Variants in GALNTL6 observed in about 807,000 individuals in gnomAD.
The protein encoded by GALNTL6 is polypeptide N-acetylgalactosaminyltransferase-like 6.
In GALNTL6, 46 loss-of-function variants were observed where a neutral mutation model predicts 73.7. The ratio of observed to expected loss-of-function variants is 0.62; its 90% CI spans 0.49 to 0.80. GALNTL6 has a LOEUF of 0.80. GALNTL6 is among the 30% of genes least tolerant of loss of function. The probability of loss-of-function intolerance (pLI) is 0.00; values close to 1 mark genes in which losing one functional copy is unlikely to be tolerated. For missense variants in GALNTL6, 604 were observed against 755.0 expected, an observed-to-expected ratio of 0.80 and a Z score of 2.34; for synonymous variants, 259 against 263.7, an observed-to-expected ratio of 0.98 and a Z score of 0.17.
chr4:172,365,690 C>A (rs1435453374), intron 5 of GALNTL6, among the ~76,000 whole-genome samples: 1 of 149,824 alleles, frequency 6.7e-6, no homozygotes. Flanking sequence ...ATCTCCAAAC[C>A]TAATGTGGGA....
At chr4:172,254,909 T>C (rs1044558709) in intron 3 of GALNTL6, among the ~76,000 whole-genome samples, 1 of 151,692 alleles carries the variant, frequency 6.6e-6, no homozygotes, top group African/African-American at 2.4e-5. Flanking sequence ...TATGTGTTTG[T>C]TTTCTTGATC....
At chr4:172,838,613 T>C (rs1308746458) in intron 7 of GALNTL6, among the ~76,000 whole-genome samples, 1 of 152,082 alleles carries the variant, frequency 6.6e-6, no homozygotes, top group Non-Finnish European at 1.5e-5. Context: ...TAAAATACAA[T>C]GTTTAAAGGC....
At chr4:172,514,568 A>G (rs987310297) in intron 5 of GALNTL6, among the ~76,000 whole-genome samples, 15 of 152,212 alleles carry the variant, frequency 9.9e-5, no homozygotes, top group Admixed American at 3.3e-4. Context: ...TTCTGTGCTC[A>G]TATCTGCACT....
intron 2 of GALNTL6, among the ~76,000 whole-genome samples, chr4:172,020,976 C>T (rs1398260478): frequency 2.0e-5 from 3 of 152,024 alleles, no homozygotes; most frequent in South Asian, 2.1e-4. Flanking sequence ...GAATTTATCC[C>T]GGGGATGCAA....
intron 4 of GALNTL6, among the ~76,000 whole-genome samples, chr4:172,343,724 A>G (rs1741648242): frequency 6.6e-6 from 1 of 152,072 alleles, no homozygotes; most frequent in Non-Finnish European, 1.5e-5. Context: ...ATATGAGAAA[A>G]TTTGCCATTG....
intron 12 of GALNTL6, among the ~76,000 whole-genome samples, chr4:173,022,110 A>G (rs796623282): frequency 0.019 from 1,645 of 85,076 alleles, 28 homozygotes; most frequent in African/African-American, 0.054. Context: ...AAGGAAGGAA[A>G]GAAGGAAGGA....
chr4:172,316,780 T>C (rs1030687635), intron 4 of GALNTL6, among the ~76,000 whole-genome samples: 2 of 152,216 alleles, frequency 1.3e-5, no homozygotes, highest in African/African-American at 4.8e-5. Flanking sequence ...CCAAGTATTA[T>C]ACTCAAGACT....
At chr4:172,160,319 C>A (rs763612284) in intron 2 of GALNTL6, among the ~76,000 whole-genome samples, 7 of 151,148 alleles carry the variant, frequency 4.6e-5, no homozygotes, top group Non-Finnish European at 1.0e-4. Flanking sequence ...AAGAAAATTG[C>A]TGAAAAGTCA....
Position 172,216,768 on chromosome 4 carries a change from C to T in GALNTL6, c.139-12888C>T, listed in dbSNP as rs542187543. Among the ~76,000 whole-genome samples the T allele has an allele frequency of 5.3e-5, 8 of 152,186 alleles. 1 individual carries two copies. The South Asian group carries it at 1.7e-3, about 32-fold the overall frequency. On this transcript the variant is annotated intron_variant, in intron 2 of 12. Transcript: ENST00000506823. ...TGAGTGACCATGGCCTGTGACACAG[C>T]CCTCAGGAGGTCCCGAGAACATGTG... is the stretch of plus-strand genomic sequence containing the variant.
intron 5 of GALNTL6, among the ~76,000 whole-genome samples, chr4:172,797,403 C>A (rs1740335101): frequency 6.6e-6 from 1 of 152,086 alleles, no homozygotes; most frequent in African/African-American, 2.4e-5. Context: ...CGCCGCTACG[C>A]CCGGCTAATT....
intron 5 of GALNTL6, among the ~76,000 whole-genome samples, chr4:172,392,970 A>G (rs1426914682): frequency 1.3e-5 from 2 of 152,174 alleles, no homozygotes; most frequent in Non-Finnish European, 2.9e-5. Flanking sequence ...ACCTCCTGTT[A>G]GATCAGCGGT....
intron 2 of GALNTL6, among the ~76,000 whole-genome samples, chr4:172,108,867 G>A (rs1316878229): frequency 4.0e-5 from 6 of 151,724 alleles, no homozygotes; most frequent in Admixed American, 6.6e-5. Flanking sequence ...CAAAAAATTA[G>A]CCGGGCATGG....
intron 2 of GALNTL6, among the ~76,000 whole-genome samples, chr4:172,132,471 C>G (rs924190894): frequency 1.3e-5 from 2 of 152,050 alleles, no homozygotes; most frequent in Middle Eastern, 3.2e-3. Flanking sequence ...AATTTTGGCT[C>G]TTTGTCATTT....
At chr4:172,472,917 C>T (rs911848431) in intron 5 of GALNTL6, among the ~76,000 whole-genome samples, 7 of 152,052 alleles carry the variant, frequency 4.6e-5, no homozygotes, top group Admixed American at 3.9e-4. Context: ...TTACTGCAGC[C>T]CTCAGAAAGG....
intron 10 of GALNTL6, among the ~76,000 whole-genome samples, chr4:172,966,436 G>T (rs79410852): frequency 0.13 from 19,011 of 150,036 alleles, 1,268 homozygotes; most frequent in Non-Finnish European, 0.15. Flanking sequence ...GCTCTGTCAC[G>T]CAGGCTGGAG....
chr4:172,731,861 T>C (rs1262436468), intron 5 of GALNTL6, among the ~76,000 whole-genome samples: 1 of 152,204 alleles, frequency 6.6e-6, no homozygotes, highest in African/African-American at 2.4e-5. Context: ...GGGTTCATCT[T>C]GTTTTTTATT....
chr4:172,739,181 G>A (rs1405382514), intron 5 of GALNTL6, among the ~76,000 whole-genome samples: 4 of 152,268 alleles, frequency 2.6e-5, no homozygotes, highest in East Asian at 1.9e-4. Flanking sequence ...GAGGGCCTTA[G>A]AATTTTATTT....
At chr4:171,948,365 A>G (rs188057814) in intron 2 of GALNTL6, among the ~76,000 whole-genome samples, 1 of 152,316 alleles carries the variant, frequency 6.6e-6, no homozygotes, top group Non-Finnish European at 1.5e-5. Context: ...AGTAGTATAT[A>G]AAGTAATTTA....
At chr4:172,032,517 G>C (rs957771683) in intron 2 of GALNTL6, among the ~76,000 whole-genome samples, 2 of 152,030 alleles carry the variant, frequency 1.3e-5, no homozygotes, top group African/African-American at 2.4e-5. Context: ...TTGAATATCA[G>C]TAGATATTTA....
Sources: gnomAD v4.1 joint callset for allele counts (sites outside exome capture counted in the v4.1 genomes callset) on GRCh38, gnomAD v4.1.1 for gene constraint, MANE v1.5 for transcripts, NCBI Gene and HGNC (gene_info 2026-07-23, HGNC 2026-07-21) for gene names.